FAM240B: variants seen among roughly 807,000 people sequenced by gnomAD.
The protein encoded by FAM240B is protein FAM240B.
chr9:38,716,472 T>TA (rs1821303863), intron 1 of FAM240B, among the ~76,000 whole-genome samples: 1 of 150,818 alleles, frequency 6.6e-6, no homozygotes, highest in Non-Finnish European at 1.5e-5. Flanking sequence ...ACTCCGCTCT[T>TA]AAATAAAATA....
At chr9:38,707,983 G>A (rs879600052) in intron 1 of FAM240B, among the ~76,000 whole-genome samples, 11 of 152,024 alleles carry the variant, frequency 7.2e-5, no homozygotes, top group Non-Finnish European at 8.8e-5. Context: ...GAACTCAGAC[G>A]TCTTCAGGGA....
At chr9:38,711,018 G>C (rs1199478286) in intron 1 of FAM240B, among the ~76,000 whole-genome samples, 1 of 152,148 alleles carries the variant, frequency 6.6e-6, no homozygotes, top group Non-Finnish European at 1.5e-5. Flanking sequence ...CATGACAACA[G>C]CTGGATACCG....
At chr9:38,697,081 G>T (rs1484474534) in intron 2 of FAM240B, among the ~76,000 whole-genome samples, 5 of 152,092 alleles carry the variant, frequency 3.3e-5, no homozygotes, top group African/African-American at 1.2e-4. Flanking sequence ...ACTAATAAGG[G>T]CTGCTGCCTG....
At chr9:38,703,087 C>G (rs915925136) in intron 2 of FAM240B, among the ~76,000 whole-genome samples, 12 of 152,138 alleles carry the variant, frequency 7.9e-5, no homozygotes, top group Non-Finnish European at 1.5e-4. Flanking sequence ...TAGCACAGAA[C>G]AACCCTCCAC....
chr9:38,716,396 G>T (rs1459740659), intron 1 of FAM240B, among the ~76,000 whole-genome samples: 1 of 152,126 alleles, frequency 6.6e-6, no homozygotes, highest in Non-Finnish European at 1.5e-5. Flanking sequence ...CGCTTGAACT[G>T]GGGAGGCGGA....
chr9:38,717,700 T>C lies in FAM240B; in HGVS notation c.-4+2322A>G, dbSNP rs558759292. ...GGTTTCACCGTGTTAGCCAGGATGGTCTCAATATCCTGACCTCGTGATCCG... is the reference window on the plus strand; with the variant it reads ...GGTTTCACCGTGTTAGCCAGGATGGCCTCAATATCCTGACCTCGTGATCCG... On this transcript the variant is annotated intron_variant, in intron 1 of 2. Coordinates refer to ENST00000637493, the MANE Select transcript of FAM240B (RefSeq NM_001394922.1). Among the ~76,000 whole-genome samples, 28 of 151,912 alleles carry C rather than the reference T, an allele frequency of 1.8e-4. 1 individual carries two copies. In the East Asian group the frequency reaches 5.5e-3, roughly 30 times the overall value.
chr9:38,696,686 C>T (rs1348366084), intron 2 of FAM240B, among the ~76,000 whole-genome samples: 1 of 152,002 alleles, frequency 6.6e-6, no homozygotes, highest in Non-Finnish European at 1.5e-5. Context: ...TGGTGGCGGG[C>T]GCCTGTAATC....
At chr9:38,696,682 C>T (rs1289888996) in intron 2 of FAM240B, among the ~76,000 whole-genome samples, 3 of 152,142 alleles carry the variant, frequency 2.0e-5, no homozygotes, top group East Asian at 1.9e-4. Flanking sequence ...GGCATGGTGG[C>T]GGGCGCCTGT....
chr9:38,702,071 G>A (rs2119002143), intron 2 of FAM240B, among the ~76,000 whole-genome samples: 1 of 152,282 alleles, frequency 6.6e-6, no homozygotes, highest in African/African-American at 2.4e-5. Context: ...TTCTGGAAGG[G>A]AAGATACAGC....
intron 1 of FAM240B, among the ~76,000 whole-genome samples, chr9:38,707,507 A>C (rs2119007324): frequency 6.6e-6 from 1 of 151,846 alleles, no homozygotes; most frequent in Non-Finnish European, 1.5e-5. Flanking sequence ...GGTGGCTCAC[A>C]CCTGTAATCC....
At chr9:38,717,552 C>T (rs1380748605) in intron 1 of FAM240B, among the ~76,000 whole-genome samples, 1 of 152,216 alleles carries the variant, frequency 6.6e-6, no homozygotes, top group Non-Finnish European at 1.5e-5. Context: ...GCAATCTTGG[C>T]TTACTGCAAG....
chr9:38,704,193 T>C (rs777852901), intron 1 of FAM240B, among the ~76,000 whole-genome samples, 191 bp from the exon 2 acceptor site: 4 of 150,792 alleles, frequency 2.7e-5, no homozygotes, highest in African/African-American at 4.9e-5. Context: ...GGAATAATAA[T>C]AGCTATGCCA....
intron 1 of FAM240B, among the ~76,000 whole-genome samples, chr9:38,710,283 A>C (rs2119010094): frequency 6.6e-6 from 1 of 152,240 alleles, no homozygotes; most frequent in Middle Eastern, 3.4e-3. Context: ...TGTCTTTTAA[A>C]TTCCCTCTAA....
chr9:38,714,184 T>A (rs186410737), intron 1 of FAM240B, among the ~76,000 whole-genome samples: 18 of 152,172 alleles, frequency 1.2e-4, no homozygotes, highest in African/African-American at 4.3e-4. Flanking sequence ...ATTATTGAAA[T>A]AAACAAATGG....
chr9:38,715,847 T>C (rs1245115399), intron 1 of FAM240B, among the ~76,000 whole-genome samples: 1 of 152,124 alleles, frequency 6.6e-6, no homozygotes, highest in Non-Finnish European at 1.5e-5. Context: ...TGGAGAAACA[T>C]ACACTGGGTG....
chr9:38,702,689 GAAC>G (rs1239957263), intron 2 of FAM240B, among the ~76,000 whole-genome samples: 2 of 152,286 alleles, frequency 1.3e-5, no homozygotes, highest in Admixed American at 1.3e-4. Context: ...CCTTGGAATA[GAAC>G]AACAAGTTCA....
At chr9:38,707,159 T>G (rs1246504892) in intron 1 of FAM240B, among the ~76,000 whole-genome samples, 1 of 152,212 alleles carries the variant, frequency 6.6e-6, no homozygotes, top group East Asian at 1.9e-4. Context: ...AAGTTCATAT[T>G]GGGTACCCGG....
rs141949068 is a variant in FAM240B, at chr9:38,694,715, GT to G, written c.*60del. On this transcript the variant is annotated 3_prime_UTR_variant, in exon 3 of 3. Transcript: ENST00000637493. ...GTAAATCAGCACAACTTGAGTGTTA[GT>G]TTTTTTCCCCTAGAAAAGTGGTCGC... is the stretch of plus-strand genomic sequence containing the variant. 64,706 of 398,200 alleles carry G rather than the reference GT, an allele frequency of 0.16. 6,079 individuals carry two copies. The highest frequency in any genetic ancestry group is 0.35 in the East Asian group (9,943 of 28,042). 24.7% of individuals were successfully genotyped at this position (398,200 alleles called of 1,614,324 possible). A position where few individuals can be genotyped will look rare whatever the true frequency, so the allele number is the denominator to read the frequency against.
At position 38,703,962 on chromosome 9, in the gene FAM240B, C is replaced by G. The variant is rs752465724; in HGVS notation, c.38G>C (p.Cys13Ser). The stretch of plus-strand genomic sequence containing the variant: ...GCTTTTGAGCTCATGACAAGTTCCA[C>G]AGCAGAAGACTTCTCGACGGATGTA... ...NQYIRREVFC[C>S]GTCHELKSFW... Residue 13 changes from cysteine to serine, a missense_variant, in exon 2 of 3, where the codon TGT becomes TCT. Coordinates refer to ENST00000637493, the MANE Select transcript of FAM240B (RefSeq NM_001394922.1). 2 of 400,390 alleles carry G rather than the reference C, an allele frequency of 5.0e-6. No individual in the cohort carries two copies. Among genetic ancestry groups the G allele is most frequent in the Admixed American group, 8.8e-5 (2 of 22,712 alleles). 24.8% of individuals were successfully genotyped at this position (400,390 alleles called of 1,614,324 possible).
Sources: allele counts gnomAD v4.1 joint callset (sites outside exome capture counted in the v4.1 genomes callset), GRCh38; gene constraint gnomAD v4.1.1; transcripts MANE v1.5; gene names NCBI Gene and HGNC (gene_info 2026-07-23, HGNC 2026-07-21).